TENM3: variants seen among roughly 807,000 people sequenced by gnomAD.
TENM3 encodes the protein teneurin transmembrane protein 3.
A neutral mutation model predicts 255.1 loss-of-function variants in TENM3; 63 were observed. The ratio of observed to expected loss-of-function variants is 0.25; its 90% CI spans 0.20 to 0.30. The LOEUF (loss-of-function observed/expected upper bound fraction) is 0.30. TENM3 is among the 10% of genes least tolerant of loss of function. The pLI is 1.00. For synonymous variants in TENM3, 1,306 were observed against 1,322.3 expected, an observed-to-expected ratio of 0.99 and a Z score of 0.27; for missense variants, 2,929 against 3,461.1, an observed-to-expected ratio of 0.85 and a Z score of 3.86.
the TENM3 span, among the ~76,000 whole-genome samples, chr4:181,448,870 T>C: frequency 5.3e-5 from 8 of 152,338 alleles, no homozygotes; most frequent in South Asian, 1.4e-3. Flanking sequence ...TAAACATACT[T>C]ATAATTTTAT....
the TENM3 span, among the ~76,000 whole-genome samples, chr4:181,835,720 C>T: frequency 6.6e-6 from 1 of 152,042 alleles, no homozygotes; most frequent in Non-Finnish European, 1.5e-5. Flanking sequence ...TTTACCAAAC[C>T]TTGGTGTTTT....
At chr4:181,845,142 T>C in the TENM3 span, among the ~76,000 whole-genome samples, 4 of 152,324 alleles carry the variant, frequency 2.6e-5, no homozygotes, top group South Asian at 6.2e-4. Context: ...ATCGACTTTG[T>C]TCTGGGAATT....
At chr4:182,551,524 G>A (rs561670294) in intron 3 of TENM3, among the ~76,000 whole-genome samples, 188 of 151,998 alleles carry the variant, frequency 1.2e-3, no homozygotes, top group Non-Finnish European at 1.9e-3. Context: ...TGAATAAAGT[G>A]CAATGAATCT....
the TENM3 span, among the ~76,000 whole-genome samples, chr4:182,100,429 C>T: frequency 2.8e-5 from 3 of 108,716 alleles, no homozygotes; most frequent in Admixed American, 1.1e-4. Context: ...TGGCAAAACT[C>T]CGTCTCCGTA....
chr4:182,541,946 C>G (rs1168064838), intron 3 of TENM3, among the ~76,000 whole-genome samples: 1 of 151,950 alleles, frequency 6.6e-6, no homozygotes, highest in Non-Finnish European at 1.5e-5. Context: ...ACCTGTAGTC[C>G]CAGCTACTTG....
rs191872535 is a variant in TENM3 at position 182,268,043 on chromosome 4, G to A, written c.-76+24567G>A. On this transcript the variant is annotated intron_variant, in intron 1 of 27. Transcript: ENST00000511685. Reference sequence around the variant, plus strand: ...TCTGATCAGTATTCTCATTCTGGGCGCATTACAATCAGCTAACAACCCCAT... The same window carrying A: ...TCTGATCAGTATTCTCATTCTGGGCACATTACAATCAGCTAACAACCCCAT... Among the ~76,000 whole-genome samples, 6 of 152,236 alleles carry A rather than the reference G, an allele frequency of 3.9e-5. No homozygotes were observed. The East Asian group carries it at 7.7e-4, about 20-fold the overall frequency.
Position 182,176,821 on chromosome 4 carries a change from A to AATT in TENM3, c.-76+32067_-76+32068insATT, listed in dbSNP as rs1561169609. On this transcript the variant is annotated intron_variant, in intron 1 of 2. Coordinates refer to the TENM3 transcript ENST00000512480. ...GGACTACTAAATTAGCATCCGGCTA[A>AATT]TTTTTTTTTTTTTTTTTTTTTTTTT... 8.8e-5 allele frequency among the ~76,000 whole-genome samples: 10 copies of AATT among 113,358 alleles called. 2 individuals carry two copies. Among genetic ancestry groups the AATT allele is most frequent in the African/African-American group, 1.6e-4 (5 of 30,416 alleles). The allele number at this position is 113,358 out of a possible 152,430, so 74.4% of individuals were successfully genotyped here.
At chr4:182,662,444 G>A (rs1245787072) in intron 6 of TENM3, among the ~76,000 whole-genome samples, 1 of 152,166 alleles carries the variant, frequency 6.6e-6, no homozygotes, top group Non-Finnish European at 1.5e-5. Context: ...TAATTGGTTT[G>A]ATTCCTAACC....
the TENM3 span, among the ~76,000 whole-genome samples, chr4:181,890,702 G>C: frequency 6.6e-6 from 1 of 152,070 alleles, no homozygotes; most frequent in African/African-American, 2.4e-5. Context: ...GCAGAATATA[G>C]TCTTGTTCAT....
upstream of TENM3, among the ~76,000 whole-genome samples, chr4:182,239,067 G>T (rs1411545960): frequency 7.9e-6 from 1 of 127,074 alleles, no homozygotes; most frequent in Non-Finnish European, 1.7e-5. Flanking sequence ...GTGTGTGTGT[G>T]TGTGTGTATT....
chr4:182,393,782 T>C (rs1768607267), intron 3 of TENM3, among the ~76,000 whole-genome samples: 1 of 152,230 alleles, frequency 6.6e-6, no homozygotes, highest in Non-Finnish European at 1.5e-5. Flanking sequence ...AATGACACTT[T>C]ATCACAGAGG....
chr4:181,949,280 T>C, the TENM3 span, among the ~76,000 whole-genome samples: 1 of 152,218 alleles, frequency 6.6e-6, no homozygotes, highest in Non-Finnish European at 1.5e-5. Flanking sequence ...AGGTACTCTG[T>C]CCATCATCTT....
At chr4:181,621,481 A>G in the TENM3 span, among the ~76,000 whole-genome samples, 1 of 152,172 alleles carries the variant, frequency 6.6e-6, no homozygotes, top group African/African-American at 2.4e-5. Flanking sequence ...ATAACATATC[A>G]ATTAACTTTA....
intron 13 of TENM3, among the ~76,000 whole-genome samples, chr4:182,718,164 C>T (rs1016163602): frequency 1.3e-5 from 2 of 151,700 alleles, no homozygotes; most frequent in African/African-American, 4.8e-5. Flanking sequence ...TCAACTCAAA[C>T]ATTATTACAC....
the TENM3 span, among the ~76,000 whole-genome samples, chr4:181,725,344 T>C: frequency 6.6e-6 from 1 of 152,128 alleles, no homozygotes; most frequent in South Asian, 2.1e-4. Flanking sequence ...TTTATGTCTT[T>C]ATATGAATTT....
At chr4:182,448,140 G>T (rs1036525902) in intron 3 of TENM3, among the ~76,000 whole-genome samples, 6 of 152,216 alleles carry the variant, frequency 3.9e-5, no homozygotes, top group Non-Finnish European at 8.8e-5. Flanking sequence ...CTCTCCCCGG[G>T]TCGCGACACT....
At chr4:181,580,639 C>T in the TENM3 span, among the ~76,000 whole-genome samples, 2 of 152,114 alleles carry the variant, frequency 1.3e-5, no homozygotes, top group African/African-American at 4.8e-5. Context: ...GTCCCAGACC[C>T]CCCTGAGAGG....
the TENM3 span, among the ~76,000 whole-genome samples, chr4:181,739,768 T>C: frequency 6.6e-6 from 1 of 152,220 alleles, no homozygotes; most frequent in Non-Finnish European, 1.5e-5. Flanking sequence ...GCTTCAGTTT[T>C]AAGATGTCGG....
chr4:182,701,753 T>G (rs1757899231), intron 12 of TENM3, among the ~76,000 whole-genome samples: 1 of 152,184 alleles, frequency 6.6e-6, no homozygotes, highest in Non-Finnish European at 1.5e-5. Flanking sequence ...AGATATGCAA[T>G]TATGACTACA....
Sources: allele counts gnomAD v4.1 joint callset (sites outside exome capture counted in the v4.1 genomes callset), GRCh38; gene constraint gnomAD v4.1.1; transcripts MANE v1.5; gene names NCBI Gene and HGNC (gene_info 2026-07-23, HGNC 2026-07-21).